MYBL1: variants seen among roughly 807,000 people sequenced by gnomAD.
MYBL1 encodes the protein MYB proto-oncogene like 1, also known as myb-related protein A.
A neutral mutation model predicts 96.3 loss-of-function variants in MYBL1; 17 were observed. The ratio of observed to expected loss-of-function variants is 0.18; its 90% CI spans 0.12 to 0.26. The LOEUF (loss-of-function observed/expected upper bound fraction) is 0.26. MYBL1 is among the 10% of genes least tolerant of loss of function. MYBL1 has a pLI of 1.00. For missense variants in MYBL1, 701 were observed against 882.9 expected (o/e 0.79, Z 2.61); for synonymous variants, 282 against 292.7 (o/e 0.96, Z 0.37).
rs1809922596 is a variant in MYBL1, at chr8:66,598,020, A to G, written c.292-470T>C. Among the ~76,000 whole-genome samples, 5 of 152,206 alleles carry G rather than the reference A, an allele frequency of 3.3e-5. No individual in the cohort carries two copies. In the South Asian group the frequency reaches 1.0e-3, roughly 32 times the overall value. ...CACATTTTACAGTTGTTTTTATTTC[A>G]CCTAAAATTGCAAGAATAGTTATTC... On this transcript the variant is annotated intron_variant, in intron 4 of 15. Coordinates refer to ENST00000522677, the MANE Select transcript of MYBL1 (RefSeq NM_001080416.4).
intron 2 of MYBL1, among the ~76,000 whole-genome samples, chr8:66,602,208 T>C (rs1810100626): frequency 2.0e-5 from 3 of 151,930 alleles, no homozygotes; most frequent in Admixed American, 2.0e-4. Flanking sequence ...TGCGCCACCA[T>C]ACCAGGCTAA....
intron 1 of MYBL1, among the ~76,000 whole-genome samples, chr8:66,611,299 T>G (rs901985833): frequency 2.6e-5 from 4 of 152,244 alleles, no homozygotes; most frequent in Non-Finnish European, 5.9e-5. Context: ...ATTGTCATCT[T>G]ATTTTTAAAT....
intron 1 of MYBL1, 46 bp downstream of exon 1, chr8:66,612,773 A>C: frequency 7.4e-7 from 1 of 1,347,510 alleles, no homozygotes; most frequent in Non-Finnish European, 9.6e-7. Context: ...AGAGAATCTG[A>C]GCCGAGACGG....
intron 8 of MYBL1, among the ~76,000 whole-genome samples, chr8:66,584,048 C>T (rs1057017786): frequency 2.0e-5 from 3 of 151,974 alleles, no homozygotes; most frequent in African/African-American, 7.3e-5. Context: ...AAGACATTCA[C>T]CAAGATCAAA....
At position 66,564,370 on chromosome 8, in the gene MYBL1, G is replaced by A. The variant is rs1422378991; in HGVS notation, c.*327C>T. The A allele has an allele frequency of 6.1e-6, 1 of 164,248 alleles. No individual in the cohort carries two copies. The highest frequency in any genetic ancestry group is 2.4e-5 in the African/African-American group (1 of 41,806). 10.2% of individuals were successfully genotyped at this position (164,248 alleles called of 1,614,324 possible). A position where few individuals can be genotyped will look rare whatever the true frequency, so the allele number is the denominator to read the frequency against. On this transcript the variant is annotated 3_prime_UTR_variant, in exon 16 of 16. Coordinates refer to ENST00000522677, the MANE Select transcript of MYBL1 (RefSeq NM_001080416.4). The stretch of plus-strand genomic sequence containing the variant: ...TACACCTATCTATAACAAAACTGCA[G>A]CATCAAGAGAGTAGCAACATATATC...
At chr8:66,581,981 A>G (rs1809229164) in intron 8 of MYBL1, among the ~76,000 whole-genome samples, 1 of 152,200 alleles carries the variant, frequency 6.6e-6, no homozygotes, top group Non-Finnish European at 1.5e-5. Context: ...AAGCAAAAAG[A>G]TAACAGACAC....
At chr8:66,610,405 T>G (rs1018961566) in intron 1 of MYBL1, among the ~76,000 whole-genome samples, 2 of 151,600 alleles carry the variant, frequency 1.3e-5, no homozygotes, top group African/African-American at 2.4e-5. Flanking sequence ...TAGGTTTTTT[T>G]GGGTTTTTTT....
intron 9 of MYBL1, among the ~76,000 whole-genome samples, chr8:66,579,203 A>G (rs1809096895): frequency 6.6e-6 from 1 of 152,078 alleles, no homozygotes; most frequent in South Asian, 2.1e-4. Flanking sequence ...CATATTGTGC[A>G]CATGTACCCT....
At chr8:66,590,467 T>A (rs1193898121) in intron 8 of MYBL1, among the ~76,000 whole-genome samples, 1 of 151,786 alleles carries the variant, frequency 6.6e-6, no homozygotes, top group East Asian at 1.9e-4. Flanking sequence ...AAAACAATTT[T>A]AAAAATTAGC....
intron 3 of MYBL1, among the ~76,000 whole-genome samples, 171 bp downstream of exon 3, chr8:66,601,521 TCTAAAC>T (rs1437391926): frequency 6.6e-6 from 1 of 152,074 alleles, no homozygotes; most frequent in East Asian, 1.9e-4. Flanking sequence ...AAAACCAGAC[TCTAAAC>T]CAGACTCTCC....
At chr8:66,592,316 A>T in intron 8 of MYBL1, 124 bp downstream of exon 8, 1 of 683,898 alleles carries the variant, frequency 1.5e-6, no homozygotes, top group South Asian at 1.9e-5. Context: ...TTAAAAAAAA[A>T]CAAAACTATT....
Position 66,593,146 on chromosome 8 carries a change from C to T in MYBL1, c.736G>A (p.Val246Ile). Residue 246 changes from valine to isoleucine, a missense_variant, in exon 7 of 16, where the codon GTT becomes ATT. Transcript: ENST00000522677. ...TGAATAAAGGCAGAAGTAGGCTGAA[C>T]ATGTTCTATACAATTGCCTTCAGGT... is the stretch of plus-strand genomic sequence containing the variant. ...VSPEGNCIEH[V>I]QPTSAFIQQP... The T allele has an allele frequency of 6.3e-7, 1 of 1,587,516 alleles. No homozygotes were observed. The highest frequency in any genetic ancestry group is 2.3e-5 in the East Asian group (1 of 44,214).
chr8:66,603,193 A>G (rs1810175530), intron 1 of MYBL1, among the ~76,000 whole-genome samples: 1 of 152,186 alleles, frequency 6.6e-6, no homozygotes, highest in South Asian at 2.1e-4. Flanking sequence ...TTAACACAGC[A>G]AAAGACAAAA....
In MYBL1 at chr8:66,601,678, T is replaced by C. The variant is rs375729755; in HGVS notation, c.198+20A>G. 6.5e-6 allele frequency: 9 copies of C among 1,380,384 alleles called. No individual in the cohort carries two copies. Among genetic ancestry groups the C allele is most frequent in the Non-Finnish European group, 7.0e-6 (7 of 1,002,664 alleles). The allele number at this position is 1,380,384 out of a possible 1,614,324, so 85.5% of individuals were successfully genotyped here. A position where few individuals can be genotyped will look rare whatever the true frequency, so the allele number is the denominator to read the frequency against. ...CCTTAAACCAGCCATGTTAGAAATA[T>C]AATTTAATATTTCACTTACTTGAAG... On this transcript the variant is annotated intron_variant, in intron 3 of 15. Transcript: ENST00000522677.
rs915263464 is a variant in MYBL1, at chr8:66,573,284, A to G, written c.1613+80T>C. 7.0e-6 allele frequency: 9 copies of G among 1,286,692 alleles called. No homozygotes were observed. In the African/African-American group the frequency reaches 7.6e-5, roughly 11 times the overall value. 79.7% of individuals were successfully genotyped at this position (1,286,692 alleles called of 1,614,324 possible). A position where few individuals can be genotyped will look rare whatever the true frequency, so the allele number is the denominator to read the frequency against. On this transcript the variant is annotated intron_variant, in intron 11 of 15. Transcript: ENST00000522677. ...AGGAATAGGAATTATGATACTTGCT[A>G]TTTATATGCACAAAAAGCTAATCTA...
chr8:66,580,193 A>C lies in MYBL1; in HGVS notation c.1041T>G (p.Ala347=), dbSNP rs1809142890. The C allele has an allele frequency of 1.2e-6, 2 of 1,613,984 alleles. No individual in the cohort carries two copies. Among genetic ancestry groups the C allele is most frequent in the Middle Eastern group, 1.6e-4 (1 of 6,062 alleles). Residue 347 remains alanine (A), a synonymous_variant, in exon 9 of 16, where the codon GCT becomes GCG. Coordinates refer to ENST00000522677, the MANE Select transcript of MYBL1 (RefSeq NM_001080416.4). ...PTKFLAVEAN[A]VLSSLQTIPE... ...GGATGGTCTGCAAAGAGGATAACACAGCGTTTGCCTCCACGGCCAGGAACT... is the reference window on the plus strand; with the variant it reads ...GGATGGTCTGCAAAGAGGATAACACCGCGTTTGCCTCCACGGCCAGGAACT...
intron 1 of MYBL1, among the ~76,000 whole-genome samples, chr8:66,608,513 A>G (rs1051270682): frequency 6.6e-6 from 1 of 152,170 alleles, no homozygotes; most frequent in Non-Finnish European, 1.5e-5. Context: ...CTAGATATCT[A>G]TCAACATCAC....
At chr8:66,573,787 A>T (rs1355257639) in intron 10 of MYBL1, among the ~76,000 whole-genome samples, 1 of 152,196 alleles carries the variant, frequency 6.6e-6, no homozygotes, top group Non-Finnish European at 1.5e-5. Flanking sequence ...AATACTAAAA[A>T]TTTAAAAAAC....
At chr8:66,571,082 A>G (rs2129732270) in intron 12 of MYBL1, among the ~76,000 whole-genome samples, 1 of 152,230 alleles carries the variant, frequency 6.6e-6, no homozygotes, top group African/African-American at 2.4e-5. Context: ...AATCTAACCA[A>G]AAAGTGACTA....
Sources: allele counts gnomAD v4.1 joint callset (sites outside exome capture counted in the v4.1 genomes callset), GRCh38; gene constraint gnomAD v4.1.1; transcripts MANE v1.5; gene names NCBI Gene and HGNC (gene_info 2026-07-23, HGNC 2026-07-21).